PDE1A: variants seen among roughly 807,000 people sequenced by gnomAD.
The protein encoded by PDE1A is dual specificity calcium/calmodulin-dependent 3',5'-cyclic nucleotide phosphodiesterase 1A.
Under a neutral mutation model 61.7 loss-of-function variants are expected in PDE1A, and 35 were observed. The ratio of observed to expected loss-of-function variants is 0.57; its 90% CI spans 0.43 to 0.75. The LOEUF is 0.75. Among genes scored for constraint, PDE1A ranks in the 30% least tolerant of loss-of-function variants. The probability of loss-of-function intolerance (pLI) is 0.00; values close to 1 mark genes in which losing one functional copy is unlikely to be tolerated. For missense variants in PDE1A, 597 were observed against 630.6 expected, an observed-to-expected ratio of 0.95 and a Z score of 0.57; for synonymous variants, 232 against 213.2, an observed-to-expected ratio of 1.09 and a Z score of -0.77.
intron 1 of PDE1A, among the ~76,000 whole-genome samples, chr2:182,390,592 G>A (rs927279856): frequency 6.6e-6 from 1 of 152,142 alleles, no homozygotes; most frequent in Non-Finnish European, 1.5e-5. Context: ...ACTGACCTGA[G>A]TGAGTCTTAC....
chr2:182,614,432 C>T, the PDE1A span, among the ~76,000 whole-genome samples: 1 of 151,070 alleles, frequency 6.6e-6, no homozygotes, highest in East Asian at 1.9e-4. Context: ...AATTTTAATT[C>T]TTTATTTTTT....
At chr2:182,493,488 G>T (rs1688523476) in intron 2 of PDE1A, among the ~76,000 whole-genome samples, 1 of 151,986 alleles carries the variant, frequency 6.6e-6, no homozygotes, top group Admixed American at 6.5e-5. Context: ...GTATCCAAGT[G>T]TTCTCATTGT....
the PDE1A span, among the ~76,000 whole-genome samples, chr2:182,551,099 G>C: frequency 6.6e-6 from 1 of 151,078 alleles, no homozygotes; most frequent in Non-Finnish European, 1.5e-5. Flanking sequence ...ATTCTGTCTG[G>C]CGGAAACAAA....
chr2:182,452,222 C>T (rs1685573456), intron 2 of PDE1A, among the ~76,000 whole-genome samples: 1 of 152,112 alleles, frequency 6.6e-6, no homozygotes, highest in Admixed American at 6.6e-5. Flanking sequence ...TTGTAACCCG[C>T]TACCAACATG....
intron 2 of PDE1A, among the ~76,000 whole-genome samples, chr2:182,496,898 T>C (rs1238805700): frequency 6.6e-6 from 1 of 152,210 alleles, no homozygotes; most frequent in Non-Finnish European, 1.5e-5. Flanking sequence ...CTAATTCCTG[T>C]ATTGAATCCC....
At chr2:182,607,869 T>C in the PDE1A span, among the ~76,000 whole-genome samples, 13 of 152,088 alleles carry the variant, frequency 8.5e-5, no homozygotes, top group African/African-American at 2.9e-4. Context: ...GAAGGCACAT[T>C]GGGACTTCAG....
At chr2:182,513,911 T>A (rs995058864) in intron 2 of PDE1A, among the ~76,000 whole-genome samples, 1 of 152,204 alleles carries the variant, frequency 6.6e-6, no homozygotes, top group Non-Finnish European at 1.5e-5. Context: ...TCTAAATATA[T>A]GCACCCAACA....
the PDE1A span, among the ~76,000 whole-genome samples, chr2:182,535,041 T>G: frequency 7.2e-6 from 1 of 137,960 alleles, no homozygotes; most frequent in Non-Finnish European, 1.6e-5. Flanking sequence ...TTCTGCTGCC[T>G]TCATTGGTTT....
At chr2:182,249,452 G>A (rs1691230755) in intron 2 of PDE1A, among the ~76,000 whole-genome samples, 1 of 152,114 alleles carries the variant, frequency 6.6e-6, no homozygotes, top group Non-Finnish European at 1.5e-5. Flanking sequence ...CATGGGGAGA[G>A]GAACACCAAA....
chr2:182,484,567 T>C (rs978076598), intron 2 of PDE1A, among the ~76,000 whole-genome samples: 1 of 151,692 alleles, frequency 6.6e-6, no homozygotes, highest in Non-Finnish European at 1.5e-5. Context: ...ATTGACAGAG[T>C]AAACAGACAA....
At chr2:182,648,562 G>A in the PDE1A span, among the ~76,000 whole-genome samples, 1 of 145,666 alleles carries the variant, frequency 6.9e-6, no homozygotes, top group Non-Finnish European at 1.5e-5. Flanking sequence ...ATGTAGTGGT[G>A]CACTGGTGCA....
chr2:182,713,566 G>A, the PDE1A span, among the ~76,000 whole-genome samples: 1 of 152,180 alleles, frequency 6.6e-6, no homozygotes, highest in African/African-American at 2.4e-5. Flanking sequence ...GGGAAGCAGA[G>A]ATTGCAATGA....
chr2:182,623,803 G>T, the PDE1A span, among the ~76,000 whole-genome samples: 13 of 152,102 alleles, frequency 8.5e-5, no homozygotes, highest in Non-Finnish European at 1.9e-4. Context: ...TCAACCATCA[G>T]CTTGCTTGAA....
intron 1 of PDE1A, among the ~76,000 whole-genome samples, chr2:182,425,004 A>AATAAGC (rs1308263224): frequency 6.6e-6 from 1 of 152,212 alleles, no homozygotes; most frequent in Non-Finnish European, 1.5e-5. Flanking sequence ...TTTTTACATA[A>AATAAGC]ATAAGCACAG....
chr2:182,695,692 G>A, the PDE1A span, among the ~76,000 whole-genome samples: 135 of 130,400 alleles, frequency 1.0e-3, no homozygotes, highest in African/African-American at 2.0e-3. Context: ...AAAAGAAAAA[G>A]AAAAAGAAAA....
intron 13 of PDE1A, among the ~76,000 whole-genome samples, chr2:182,174,824 C>T (rs142598491): frequency 1.8e-4 from 28 of 152,072 alleles, no homozygotes; most frequent in African/African-American, 3.6e-4. Context: ...ACACACGTGT[C>T]GTGGGGGTTT....
chr2:182,691,524 T>A, the PDE1A span, among the ~76,000 whole-genome samples: 3 of 152,266 alleles, frequency 2.0e-5, no homozygotes, highest in Admixed American at 2.0e-4. Context: ...TATACAAAAA[T>A]TAATTAAAGA....
chr2:182,459,209 T>C (rs1453955711), intron 2 of PDE1A, among the ~76,000 whole-genome samples: 1 of 152,056 alleles, frequency 6.6e-6, no homozygotes, highest in East Asian at 1.9e-4. Flanking sequence ...TAATGAAAAT[T>C]TGAAGCACCA....
intron 2 of PDE1A, among the ~76,000 whole-genome samples, chr2:182,456,136 G>T (rs1685903309): frequency 6.6e-6 from 1 of 152,032 alleles, no homozygotes; most frequent in Non-Finnish European, 1.5e-5. Context: ...GGGTTACCTA[G>T]CTCTAATCGG....
Sources: allele counts gnomAD v4.1 joint callset (sites outside exome capture counted in the v4.1 genomes callset), GRCh38; gene constraint gnomAD v4.1.1; transcripts MANE v1.5; gene names NCBI Gene and HGNC (gene_info 2026-07-23, HGNC 2026-07-21).